FHL3: variants seen among roughly 807,000 people sequenced by gnomAD.
The protein encoded by FHL3 is four and a half LIM domains protein 3.
In FHL3, 21 loss-of-function variants were observed where a neutral mutation model predicts 34.3. That is an observed-to-expected ratio of 0.61 (90% CI 0.43 to 0.88). The LOEUF (loss-of-function observed/expected upper bound fraction) is 0.88. Ranked by LOEUF, FHL3 falls within the 40% of genes least tolerant of loss-of-function variation. FHL3 has a pLI of 0.00. For missense variants in FHL3, 333 were observed against 373.7 expected, an observed-to-expected ratio of 0.89 and a Z score of 0.90; for synonymous variants, 137 against 144.6, an observed-to-expected ratio of 0.95 and a Z score of 0.38.
chr1:38,000,841 AAGG>A (rs1370159510), intron 1 of FHL3, among the ~76,000 whole-genome samples: 1 of 152,046 alleles, frequency 6.6e-6, no homozygotes, highest in East Asian at 1.9e-4. Context: ...GACCCATAGG[AAGG>A]AGATGTTCTC....
At position 37,997,589 on chromosome 1, in the gene FHL3, G is replaced by A. The variant is rs953862083; in HGVS notation, c.689-30C>T. On this transcript the variant is annotated intron_variant, in intron 5 of 5. Transcript: ENST00000373016. This position sits in a 1 kb window ranked among gnomAD's most constrained non-coding sequence, Gnocchi z 4.3. ...AGGGAGGCTGGAAGTTAGCTATGCA[G>A]ATGTGGGGATGGTCCGGCCCTCAAC... 1.7e-5 allele frequency: 28 copies of A among 1,613,478 alleles called. No individual in the cohort carries two copies. The highest frequency in any genetic ancestry group is 1.7e-4 in the Middle Eastern group (1 of 6,058).
At chr1:38,000,214 C>T (rs59967580) in intron 1 of FHL3, among the ~76,000 whole-genome samples, 4 of 152,292 alleles carry the variant, frequency 2.6e-5, no homozygotes, top group Non-Finnish European at 2.9e-5. Context: ...GCAGCTGTGG[C>T]GGCACAGATG....
chr1:37,997,336 G>A lies in FHL3; in HGVS notation c.*69C>T. On this transcript the variant is annotated 3_prime_UTR_variant, in exon 6 of 6. Transcript: ENST00000373016. This position sits in a 1 kb window ranked among gnomAD's most constrained non-coding sequence, Gnocchi z 4.3. ...TTGGCGGGGGGAGCTGAGTCCCAGA[G>A]GTGGTTTAGAAAAGGAGCCACAGTC... The A allele has an allele frequency of 1.3e-6, 2 of 1,520,550 alleles. No individual in the cohort carries two copies. The highest frequency in any genetic ancestry group is 1.8e-6 in the Non-Finnish European group (2 of 1,127,386). The allele number at this position is 1,520,550 out of a possible 1,614,324, so 94.2% of individuals were successfully genotyped here.
intron 1 of FHL3, among the ~76,000 whole-genome samples, chr1:38,004,539 G>A (rs991829771): frequency 2.1e-4 from 32 of 152,226 alleles, no homozygotes; most frequent in African/African-American, 7.7e-4. Flanking sequence ...CTGTGTCTGG[G>A]CACACTTCAG....
At position 38,002,133 on chromosome 1, in the gene FHL3, C is replaced by A. The variant is rs545424084; in HGVS notation, c.-20-2701G>T. The stretch of plus-strand genomic sequence containing the variant: ...TTTTTTTTTGAGACAGAGTCTCGCT[C>A]TGTCGCCCAGGCTGGGGTACAGTGG... On this transcript the variant is annotated intron_variant, in intron 1 of 5. Coordinates refer to ENST00000373016, the MANE Select transcript of FHL3 (RefSeq NM_004468.5). 3.0e-4 allele frequency among the ~76,000 whole-genome samples: 45 copies of A among 150,058 alleles called. No individual in the cohort carries two copies. In the South Asian group the frequency reaches 9.4e-3, roughly 31 times the overall value.
At chr1:37,999,865 T>C (rs973768262) in intron 1 of FHL3, among the ~76,000 whole-genome samples, 11 of 152,126 alleles carry the variant, frequency 7.2e-5, no homozygotes, top group Admixed American at 2.6e-4. Context: ...GAAGGGACTT[T>C]AGGAATATGG....
intron 1 of FHL3, among the ~76,000 whole-genome samples, chr1:38,000,111 C>G (rs114938274): frequency 0.026 from 4,018 of 152,350 alleles, 91 homozygotes; most frequent in Non-Finnish European, 0.04. Flanking sequence ...AAGCTGGACA[C>G]AGCCAGTCTT....
intron 3 of FHL3, 110 bp downstream of exon 3, chr1:37,998,864 C>A: frequency 8.9e-7 from 1 of 1,117,970 alleles, no homozygotes; most frequent in African/African-American, 1.6e-5. Flanking sequence ...CAGAAACATG[C>A]TGTGTATGCA....
rs1646555444 is a variant in FHL3 at position 37,998,189 on chromosome 1, C to T, written c.332-57G>A. The T allele has an allele frequency of 2.0e-6, 3 of 1,524,750 alleles. No homozygotes were observed. In the Admixed American group the frequency reaches 5.3e-5, roughly 27 times the overall value. 94.5% of individuals were successfully genotyped at this position (1,524,750 alleles called of 1,614,324 possible). A position where few individuals can be genotyped will look rare whatever the true frequency, so the allele number is the denominator to read the frequency against. On this transcript the variant is annotated intron_variant, in intron 3 of 5. Transcript: ENST00000373016. ...GTGTCCCATGCTCCTGAGGGCCACC[C>T]TCTGTAACTTCCCCAGGAGTCTCCA...
intron 3 of FHL3, chr1:37,998,693 A>T (rs1174764910): frequency 2.9e-5 from 13 of 453,850 alleles, no homozygotes; most frequent in Non-Finnish European, 4.8e-5. Context: ...CAATGCAACA[A>T]GCATGACAGT....
At chr1:38,001,374 G>A (rs1226140810) in intron 1 of FHL3, among the ~76,000 whole-genome samples, 2 of 152,224 alleles carry the variant, frequency 1.3e-5, no homozygotes, top group Non-Finnish European at 2.9e-5. Flanking sequence ...TTCCTTCTTG[G>A]CTTGGCCCAC....
rs1426937419 is a variant in FHL3, at chr1:38,000,848, T to C, written c.-20-1416A>G. The stretch of plus-strand genomic sequence containing the variant: ...ACCACCAGGACCCATAGGAAGGAGA[T>C]GTTCTCACAGCTGTGGATGAGCCCG... On this transcript the variant is annotated intron_variant, in intron 1 of 5. Coordinates refer to ENST00000373016, the MANE Select transcript of FHL3 (RefSeq NM_004468.5). 2.6e-5 allele frequency among the ~76,000 whole-genome samples: 4 copies of C among 152,124 alleles called. No individual in the cohort carries two copies. In the East Asian group the frequency reaches 7.8e-4, roughly 30 times the overall value.
chr1:37,997,304 ATT>A lies in FHL3; in HGVS notation c.*99_*100del. The A allele has an allele frequency of 7.6e-7, 1 of 1,319,740 alleles. No individual in the cohort carries two copies. The highest frequency in any genetic ancestry group is 1.0e-6 in the Non-Finnish European group (1 of 961,890). 81.8% of individuals were successfully genotyped at this position (1,319,740 alleles called of 1,614,324 possible). Reference sequence around the variant, plus strand: ...AATCCTGGAGCCCAGAAGGAGACCCATTTTTTTTGGCGGGGGGAGCTGAGTCC... The same window carrying A: ...AATCCTGGAGCCCAGAAGGAGACCCATTTTTTGGCGGGGGGAGCTGAGTCC... On this transcript the variant is annotated 3_prime_UTR_variant, in exon 6 of 6. Coordinates refer to ENST00000373016, the MANE Select transcript of FHL3 (RefSeq NM_004468.5). The surrounding 1 kb of genome is among the most constrained non-coding windows in gnomAD (Gnocchi z 4.3).
rs753595382 is a variant in FHL3, at chr1:37,999,379, C to T, written c.34G>A (p.Glu12Lys). The T allele has an allele frequency of 3.1e-6, 5 of 1,614,216 alleles. No homozygotes were observed. The highest frequency in any genetic ancestry group is 3.3e-5 in the Admixed American group (2 of 60,020). Residue 12 changes from glutamate (E) to lysine (K), a missense_variant, in exon 2 of 6, where the codon GAG (glutamate) becomes AAG (lysine). By Grantham distance (56) the Glu-to-Lys change is moderately conservative. Transcript: ENST00000373016. ...SESFDCAKCN[E>K]SLYGRKYIQT... ...ATGTACTTGCGTCCATACAGGGACT[C>T]GTTGCATTTTGCACAGTCAAATGAC...
intron 1 of FHL3, among the ~76,000 whole-genome samples, chr1:38,003,202 A>G (rs1646612967): frequency 6.6e-6 from 1 of 152,130 alleles, no homozygotes; most frequent in Admixed American, 6.5e-5. Flanking sequence ...TCTGGGCTCA[A>G]GCAAACCACC....
At chr1:38,002,339 C>T (rs2148731825) in intron 1 of FHL3, among the ~76,000 whole-genome samples, 1 of 152,078 alleles carries the variant, frequency 6.6e-6, no homozygotes, top group South Asian at 2.1e-4. Context: ...ACCTCATGAT[C>T]TCCCTGCCTC....
Position 37,997,977 on chromosome 1 carries a change from C to A in FHL3, c.487G>T (p.Ala163Ser). 1.2e-6 allele frequency: 2 copies of A among 1,614,124 alleles called. No individual in the cohort carries two copies. The highest frequency in any genetic ancestry group is 8.5e-7 in the Non-Finnish European group (1 of 1,179,992). The change falls in exon 4 of 6, where the codon GCC becomes TCC. Residue 163 changes from alanine (A) to serine (S), a missense_variant. Transcript: ENST00000373016. The surrounding 1 kb of genome is among the most constrained non-coding windows in gnomAD (Gnocchi z 4.3). Reference protein sequence around the residue: ...CYENKFAPRCARCSKTLTQGG... With the variant: ...CYENKFAPRCSRCSKTLTQGG... ...CCAGCCCCCACCTTGCTGCAGCGGG[C>A]GCAGCGAGGAGCAAACTTGTTCTCA...
intron 1 of FHL3, among the ~76,000 whole-genome samples, chr1:38,003,852 A>T (rs1486218415): frequency 6.6e-6 from 1 of 152,002 alleles, no homozygotes; most frequent in Admixed American, 6.5e-5. Flanking sequence ...GGAACAGGAG[A>T]TGCACCAGAG....
intron 1 of FHL3, among the ~76,000 whole-genome samples, chr1:38,001,387 C>T (rs765430143): frequency 3.9e-5 from 6 of 152,236 alleles, no homozygotes; most frequent in Admixed American, 1.3e-4. Context: ...TGGCCCACTG[C>T]GGCTGCCACC....
Sources: gnomAD v4.1 joint callset for allele counts (sites outside exome capture counted in the v4.1 genomes callset) on GRCh38, gnomAD v4.1.1 for gene constraint, Gnocchi (gnomAD v3.1) non-coding constraint, MANE v1.5 for transcripts, NCBI Gene and HGNC (gene_info 2026-07-23, HGNC 2026-07-21) for gene names.